The following ARHGEF6 variants were observed in gnomAD, a reference collection of about 807,000 sequenced individuals.
ARHGEF6 encodes Rac/Cdc42 guanine nucleotide exchange factor 6, also known as rho guanine nucleotide exchange factor 6.
In ARHGEF6, 9 loss-of-function variants were observed where a neutral mutation model predicts 70.3. That is an observed-to-expected ratio of 0.13 (90% CI 0.08 to 0.22). ARHGEF6 has a LOEUF of 0.22. Among genes scored for constraint, ARHGEF6 ranks in the 10% least tolerant of loss-of-function variants. The pLI is 1.00. For synonymous variants in ARHGEF6, 201 were observed against 207.8 expected (o/e 0.97, Z 0.28); for missense variants, 470 against 563.0 (o/e 0.83, Z 1.67).
chrX:136,686,601 TATATATATATATATATATATACAC>T (rs1229897080), intron 11 of ARHGEF6, among the ~76,000 whole-genome samples: 6 of 74,493 alleles, frequency 8.1e-5, no homozygotes, highest in African/African-American at 3.5e-4. Flanking sequence ...TGTGTATATA[TATATATATATATATATATATACAC>T]ATATATATAT....
chrX:136,697,868 G>A (rs972338956), intron 9 of ARHGEF6, among the ~76,000 whole-genome samples: 2 of 112,612 alleles, frequency 1.8e-5, no homozygotes, highest in African/African-American at 3.2e-5. Flanking sequence ...AAACAGCAAT[G>A]TGTAACTTAC....
intron 2 of ARHGEF6, among the ~76,000 whole-genome samples, chrX:136,776,849 TCAAA>T (rs1189614361): frequency 9.8e-6 from 1 of 102,207 alleles, no homozygotes; most frequent in East Asian, 3.0e-4. Flanking sequence ...GACAAGGAAC[TCAAA>T]CAAATCAGCA....
At chrX:136,747,026 T>C (rs1008808841) in intron 3 of ARHGEF6, among the ~76,000 whole-genome samples, 1 of 111,824 alleles carries the variant, frequency 8.9e-6, no homozygotes, top group African/African-American at 3.3e-5. Flanking sequence ...GTGTTAAACA[T>C]TTAAATAAAA....
chrX:136,696,697 A>T (rs2076515860), intron 9 of ARHGEF6, among the ~76,000 whole-genome samples: 2 of 111,650 alleles, frequency 1.8e-5, no homozygotes, highest in African/African-American at 6.5e-5. Context: ...AATGAAAAAA[A>T]GTATTTATTC....
At chrX:136,737,591 C>T (rs2076999764) in intron 5 of ARHGEF6, 3 of 614,983 alleles carry the variant, frequency 4.9e-6, no homozygotes, top group Non-Finnish European at 3.9e-6. Flanking sequence ...CGGTGGCTCA[C>T]CTCTGTAATC....
At chrX:136,731,865 G>T (rs1246012611) in intron 6 of ARHGEF6, among the ~76,000 whole-genome samples, 1 of 112,090 alleles carries the variant, frequency 8.9e-6, no homozygotes, top group Admixed American at 9.5e-5. Flanking sequence ...GTTTAATAGG[G>T]CTTGCTGTGA....
At chrX:136,764,287 A>G (rs1459236327) in intron 2 of ARHGEF6, among the ~76,000 whole-genome samples, 1 of 112,050 alleles carries the variant, frequency 8.9e-6, no homozygotes, top group African/African-American at 3.3e-5. Flanking sequence ...TAAACCCAAC[A>G]GAAATGGGTG....
At chrX:136,767,297 C>A in intron 2 of ARHGEF6, 1 of 754,712 alleles carries the variant, frequency 1.3e-6, no homozygotes. Flanking sequence ...TCAACCCAGC[C>A]GGAGCTGGGA....
At position 136,684,463 on chromosome X, in the gene ARHGEF6, T is replaced by A. The variant is rs1228530731; in HGVS notation, c.1392+1214A>T. Reference sequence around the variant, plus strand: ...AGATGTTTTGGGAGAAGGAAGACAATTCTAACACCCGATACATCAAACCAG... The same window carrying A: ...AGATGTTTTGGGAGAAGGAAGACAAATCTAACACCCGATACATCAAACCAG... On this transcript the variant is annotated intron_variant, in intron 12 of 21. Transcript: ENST00000250617. 4.5e-5 allele frequency among the ~76,000 whole-genome samples: 5 copies of A among 111,702 alleles called. No individual in the cohort carries two copies. In the Admixed American group the frequency reaches 4.7e-4, roughly 11 times the overall value.
At chrX:136,733,402 A>T (rs2076955457) in intron 5 of ARHGEF6, among the ~76,000 whole-genome samples, 1 of 111,291 alleles carries the variant, frequency 9.0e-6, no homozygotes, top group Non-Finnish European at 1.9e-5. Context: ...TAAAATATAG[A>T]ATAGAAAATA....
intron 7 of ARHGEF6, among the ~76,000 whole-genome samples, chrX:136,711,553 TTTTTG>T (rs757363565): frequency 7.2e-5 from 8 of 111,800 alleles, no homozygotes; most frequent in Middle Eastern, 4.6e-3. Flanking sequence ...AATACTTTGT[TTTTTG>T]TTTTGTTTTG....
chrX:136,676,055 T>C (rs775500885), intron 18 of ARHGEF6, among the ~76,000 whole-genome samples: 89 of 112,430 alleles, frequency 7.9e-4, no homozygotes, highest in African/African-American at 2.9e-3. Flanking sequence ...TTGTGAGACA[T>C]CACTTACTCC....
intron 5 of ARHGEF6, among the ~76,000 whole-genome samples, chrX:136,742,309 A>T (rs2077052122): frequency 9.0e-6 from 1 of 110,990 alleles, no homozygotes; most frequent in African/African-American, 3.3e-5. Context: ...ACAGAGCAAG[A>T]CTCCGTCTCA....
chrX:136,699,995 T>G (rs7064127), intron 9 of ARHGEF6, among the ~76,000 whole-genome samples: 8,627 of 110,799 alleles, frequency 0.078, 648 homozygotes, highest in African/African-American at 0.24. Context: ...TTCAGCCCTC[T>G]CTCATCTTCC....
At chrX:136,749,068 A>G (rs2077125024) in intron 2 of ARHGEF6, among the ~76,000 whole-genome samples, 1 of 112,300 alleles carries the variant, frequency 8.9e-6, no homozygotes, top group East Asian at 2.8e-4. Context: ...AGACATTAAT[A>G]TATTTCTGGT....
intron 2 of ARHGEF6, among the ~76,000 whole-genome samples, chrX:136,749,859 T>A (rs770253112): frequency 7.2e-5 from 8 of 111,512 alleles, no homozygotes; most frequent in Non-Finnish European, 1.1e-4. Flanking sequence ...TATTTCAGAG[T>A]AGCTGGAGAA....
At chrX:136,750,008 G>A (rs1469130911) in intron 2 of ARHGEF6, among the ~76,000 whole-genome samples, 1 of 111,815 alleles carries the variant, frequency 8.9e-6, no homozygotes, top group Admixed American at 9.5e-5. Context: ...TTATCTGGAG[G>A]GATCACAACA....
At chrX:136,691,302 C>T (rs2076455788) in intron 9 of ARHGEF6, among the ~76,000 whole-genome samples, 1 of 111,928 alleles carries the variant, frequency 8.9e-6, no homozygotes, top group Admixed American at 9.4e-5. Context: ...TGACTAACCA[C>T]AAAGTCACTT....
chrX:136,714,864 A>T (rs73563517), intron 6 of ARHGEF6, among the ~76,000 whole-genome samples: 2,520 of 111,497 alleles, frequency 0.023, 77 homozygotes, highest in African/African-American at 0.078. Context: ...GTAGTGACAC[A>T]CTGTACAGAT....
Sources: gnomAD v4.1 joint callset for allele counts (sites outside exome capture counted in the v4.1 genomes callset) on GRCh38, gnomAD v4.1.1 for gene constraint, MANE v1.5 for transcripts, NCBI Gene and HGNC (gene_info 2026-07-23, HGNC 2026-07-21) for gene names.